Variants in CSMD2 observed in about 807,000 individuals in gnomAD.
The protein encoded by CSMD2 is CUB and Sushi multiple domains 2, also known as CUB and sushi domain-containing protein 2.
Under a neutral mutation model 398.5 loss-of-function variants are expected in CSMD2, and 130 were observed. The ratio of observed to expected loss-of-function variants is 0.33; its 90% CI spans 0.28 to 0.38. The LOEUF (loss-of-function observed/expected upper bound fraction) is 0.38. CSMD2 is among the 10% of genes least tolerant of loss of function. The pLI, the probability that CSMD2 is intolerant of heterozygous loss-of-function variation, is 1.00. For missense variants in CSMD2, 3,829 were observed against 4,764.9 expected (o/e 0.80, Z 5.78); for synonymous variants, 1,828 against 1,908.5 (o/e 0.96, Z 1.10).
At chr1:33,783,278 AT>A (rs1349646847) in intron 12 of CSMD2, among the ~76,000 whole-genome samples, 2 of 152,070 alleles carry the variant, frequency 1.3e-5, no homozygotes, top group Non-Finnish European at 2.9e-5. Flanking sequence ...ACTCCCCCAA[AT>A]TCCTGTATTG....
intron 5 of CSMD2, 77 bp downstream of exon 5, chr1:33,918,017 C>T: frequency 7.3e-7 from 1 of 1,369,710 alleles, no homozygotes; most frequent in Non-Finnish European, 1.0e-6. Flanking sequence ...GGTCCAGGCA[C>T]TGAGGAGACT....
At chr1:33,943,761 C>A (rs975236439) in intron 3 of CSMD2, among the ~76,000 whole-genome samples, 2 of 152,088 alleles carry the variant, frequency 1.3e-5, no homozygotes, top group Non-Finnish European at 2.9e-5. Flanking sequence ...CTATTTTCAT[C>A]TCTGGACTCC....
intron 67 of CSMD2, among the ~76,000 whole-genome samples, chr1:33,522,083 A>T (rs953809167): frequency 2.0e-5 from 3 of 152,206 alleles, no homozygotes; most frequent in Admixed American, 6.5e-5. Context: ...AGCTGGGGAC[A>T]TAACTCCTGC....
At chr1:33,773,140 A>C (rs1651506699) in intron 12 of CSMD2, among the ~76,000 whole-genome samples, 1 of 152,206 alleles carries the variant, frequency 6.6e-6, no homozygotes, top group Non-Finnish European at 1.5e-5. Context: ...CAGCATTAGA[A>C]GTCTTTGGAG....
At chr1:33,901,096 T>G (rs1343391911) in intron 5 of CSMD2, among the ~76,000 whole-genome samples, 1 of 152,206 alleles carries the variant, frequency 6.6e-6, no homozygotes, top group Non-Finnish European at 1.5e-5. Context: ...AAGATGGGTA[T>G]GCCAATACCT....
intron 3 of CSMD2, among the ~76,000 whole-genome samples, chr1:33,958,680 C>T (rs745325694): frequency 2.6e-5 from 4 of 152,270 alleles, no homozygotes; most frequent in Non-Finnish European, 4.4e-5. Flanking sequence ...GTAAGGAAAC[C>T]ATTCTGCCAC....
intron 10 of CSMD2, among the ~76,000 whole-genome samples, chr1:33,809,621 A>G (rs912412405): frequency 6.6e-6 from 1 of 152,150 alleles, no homozygotes; most frequent in Middle Eastern, 3.4e-3. Context: ...TCAAACAACG[A>G]CCATAGGGGT....
intron 12 of CSMD2, among the ~76,000 whole-genome samples, chr1:33,777,206 T>G (rs1466408443): frequency 1.3e-5 from 2 of 150,542 alleles, no homozygotes; most frequent in Admixed American, 1.4e-4. Context: ...TCGTGGTGAC[T>G]TCACGGGAAC....
Position 33,933,799 on chromosome 1 carries a change from G to C in CSMD2, c.712+1961C>G, listed in dbSNP as rs576038208. ...ATGGGGCCTGGGAAGATGGGACTTA[G>C]GAAAGCAGGAAAGGGAACTCTAGTT... On this transcript the variant is annotated intron_variant, in intron 4 of 70. Transcript: ENST00000373381. 1.1e-4 allele frequency among the ~76,000 whole-genome samples: 17 copies of C among 152,246 alleles called. No individual in the cohort carries two copies. In the South Asian group the frequency reaches 3.3e-3, roughly 30 times the overall value.
chr1:33,536,373 G>A (rs1481244189), intron 62 of CSMD2, among the ~76,000 whole-genome samples: 6 of 152,114 alleles, frequency 3.9e-5, no homozygotes, highest in Admixed American at 1.3e-4. Context: ...ACAGGCGCCC[G>A]CCACCATGCC....
chr1:34,139,081 C>T (rs748837531), intron 1 of CSMD2, among the ~76,000 whole-genome samples: 3 of 152,174 alleles, frequency 2.0e-5, no homozygotes, highest in Non-Finnish European at 4.4e-5. Context: ...CACATGCATA[C>T]TACTACCATT....
chr1:33,560,295 G>C (rs1250374770), intron 53 of CSMD2, among the ~76,000 whole-genome samples: 1 of 152,168 alleles, frequency 6.6e-6, no homozygotes, highest in Admixed American at 6.5e-5. Context: ...GCCTTTATTA[G>C]TAAGCGAGGT....
intron 1 of CSMD2, among the ~76,000 whole-genome samples, chr1:34,151,162 C>T (rs986389784): frequency 6.6e-6 from 1 of 152,198 alleles, no homozygotes; most frequent in Non-Finnish European, 1.5e-5. Context: ...TTCCCCTCTC[C>T]CCCTCTGCTG....
chr1:33,536,833 G>C (rs1341289694), intron 62 of CSMD2, among the ~76,000 whole-genome samples, 189 bp downstream of exon 62: 2 of 152,222 alleles, frequency 1.3e-5, no homozygotes, highest in Non-Finnish European at 1.5e-5. Flanking sequence ...CGGATGTTAG[G>C]GTCCTGCTGT....
At chr1:33,718,386 C>T (rs761993291) in intron 19 of CSMD2, among the ~76,000 whole-genome samples, 2 of 152,214 alleles carry the variant, frequency 1.3e-5, no homozygotes, top group African/African-American at 4.8e-5. Flanking sequence ...ATGGGCCATG[C>T]CCCATGTCGG....
chr1:34,119,339 A>C (rs1187239387), intron 1 of CSMD2, among the ~76,000 whole-genome samples: 1 of 152,216 alleles, frequency 6.6e-6, no homozygotes, highest in African/African-American at 2.4e-5. Context: ...ATAAAAGGAA[A>C]GCTTTATGAC....
At chr1:33,690,676 T>C (rs1428215562) in intron 25 of CSMD2, among the ~76,000 whole-genome samples, 2 of 152,224 alleles carry the variant, frequency 1.3e-5, no homozygotes, top group African/African-American at 2.4e-5. Flanking sequence ...GATCCACTCA[T>C]TGTTCAACCA....
At chr1:33,738,781 C>T (rs899631794) in intron 15 of CSMD2, among the ~76,000 whole-genome samples, 2 of 152,086 alleles carry the variant, frequency 1.3e-5, no homozygotes, top group Admixed American at 6.5e-5. Flanking sequence ...CCCGAAAACT[C>T]GCAGCGCTGC....
intron 5 of CSMD2, chr1:33,864,610 AC>A: frequency 6.2e-7 from 1 of 1,613,950 alleles, no homozygotes; most frequent in Non-Finnish European, 8.5e-7. Flanking sequence ...CTGGAGAAGC[AC>A]CCTTATGAGC....
Sources: allele counts gnomAD v4.1 joint callset (sites outside exome capture counted in the v4.1 genomes callset), GRCh38; gene constraint gnomAD v4.1.1; transcripts MANE v1.5; gene names NCBI Gene and HGNC (gene_info 2026-07-23, HGNC 2026-07-21).